EML5: variants seen among roughly 807,000 people sequenced by gnomAD.
EML5 encodes echinoderm microtubule-associated protein-like 5.
A neutral mutation model predicts 250.0 loss-of-function variants in EML5; 120 were observed. The observed-to-expected ratio is 0.48, with a 90% CI of 0.41 to 0.56. The LOEUF (loss-of-function observed/expected upper bound fraction) is 0.56. EML5 is among the 20% of genes least tolerant of loss of function. The pLI, the probability that EML5 is intolerant of heterozygous loss-of-function variation, is 0.00. For synonymous variants in EML5, 771 were observed against 806.5 expected (o/e 0.96, Z 0.75); for missense variants, 2,006 against 2,437.6 (o/e 0.82, Z 3.73).
intron 24 of EML5, 90 bp downstream of exon 24, chr14:88,662,941 C>T: frequency 2.3e-6 from 2 of 882,362 alleles, no homozygotes; most frequent in Non-Finnish European, 3.4e-6. Context: ...GAACAGACTT[C>T]ACGTGTAACT....
At chr14:88,734,268 T>C (rs1205490667) in intron 7 of EML5, among the ~76,000 whole-genome samples, 1 of 152,088 alleles carries the variant, frequency 6.6e-6, no homozygotes, top group African/African-American at 2.4e-5. Context: ...AACAAATAAT[T>C]GATGAGAAGA....
At chr14:88,685,533 C>T (rs922882381) in intron 19 of EML5, among the ~76,000 whole-genome samples, 1 of 152,118 alleles carries the variant, frequency 6.6e-6, no homozygotes, top group African/African-American at 2.4e-5. Flanking sequence ...CCAGGACAAC[C>T]ACAGATACCA....
intron 21 of EML5, among the ~76,000 whole-genome samples, chr14:88,675,860 G>C (rs2092583043): frequency 6.6e-6 from 1 of 151,868 alleles, no homozygotes; most frequent in South Asian, 2.1e-4. Context: ...TCTCCCTCAA[G>C]TTCAAAGTTC....
At chr14:88,715,224 T>C in intron 8 of EML5, 29 bp from the exon 9 acceptor site, 1 of 1,542,472 alleles carries the variant, frequency 6.5e-7, no homozygotes, top group East Asian at 2.4e-5. Context: ...TGAGACTACA[T>C]GAACAGAAGT....
Position 88,627,819 on chromosome 14 carries a change from G to A in EML5, c.4358C>T (p.Ala1453Val), listed in dbSNP as rs747293706. ...CCAGATGTGAATAGAAGGAGCTGTA[G>A]CTAAATAAAGATAGTATCAAAAAGT... ...GQVGDSADMS[A>V]TAPSIHIWDA... is the part of the protein sequence containing the mutation. The change falls in exon 34 of 44, where the codon GCT becomes GTT. Residue 1453 changes from alanine to valine, a missense_variant and splice_region_variant. Coordinates refer to ENST00000554922, the MANE Select transcript of EML5 (RefSeq NM_183387.3). The A allele has an allele frequency of 3.8e-6, 6 of 1,579,454 alleles. No individual in the cohort carries two copies. The South Asian group carries it at 5.8e-5, about 15-fold the overall frequency.
At chr14:88,696,365 G>A (rs2093079118) in intron 15 of EML5, among the ~76,000 whole-genome samples, 1 of 151,940 alleles carries the variant, frequency 6.6e-6, no homozygotes, top group Admixed American at 6.6e-5. Flanking sequence ...AAACAGAAAA[G>A]CGCTAATATG....
intron 13 of EML5, 122 bp from the exon 14 acceptor site, chr14:88,702,754 C>A: frequency 1.4e-6 from 1 of 695,670 alleles, no homozygotes. Flanking sequence ...TTACAGGATA[C>A]TAAACAATTT....
intron 7 of EML5, among the ~76,000 whole-genome samples, chr14:88,731,468 C>T (rs866147577): frequency 1.1e-4 from 16 of 152,130 alleles, no homozygotes; most frequent in Middle Eastern, 6.8e-3. Flanking sequence ...CAGTCTATCA[C>T]TGATGGACAT....
In EML5 at chr14:88,734,136, G is replaced by GA. The variant is rs1480468283; in HGVS notation, c.1049+2227dup. Among the ~76,000 whole-genome samples, 5 of 152,108 alleles carry GA rather than the reference G, an allele frequency of 3.3e-5. No homozygotes were observed. The East Asian group carries it at 7.7e-4, about 24-fold the overall frequency. On this transcript the variant is annotated intron_variant, in intron 7 of 43. Coordinates refer to ENST00000554922, the MANE Select transcript of EML5 (RefSeq NM_183387.3). ...GGAGAAAAAGATCAACAACCCTACA[G>GA]AAAAAATGGCAAGAAATGTGGAAAG...
chr14:88,625,867 A>T (rs2089867240), intron 35 of EML5: 1 of 152,232 alleles, frequency 6.6e-6, no homozygotes, highest in African/African-American at 2.4e-5. Flanking sequence ...TCACAAAAAC[A>T]AAAAATGCAC....
rs947642079 is a variant in EML5 at position 88,620,059 on chromosome 14, G to A, written c.5375+695C>T. 6.6e-6 allele frequency: 1 copy of A among 152,236 alleles called. No individual in the cohort carries two copies. The highest frequency in any genetic ancestry group is 1.5e-5 in the Non-Finnish European group (1 of 68,052). The allele number at this position is 152,236 out of a possible 1,614,324, so 9.4% of individuals were successfully genotyped here. A position where few individuals can be genotyped will look rare whatever the true frequency, so the allele number is the denominator to read the frequency against. On this transcript the variant is annotated intron_variant, in intron 39 of 43. Coordinates refer to ENST00000554922, the MANE Select transcript of EML5 (RefSeq NM_183387.3). This position sits in a 1 kb window ranked among gnomAD's most constrained non-coding sequence, Gnocchi z 4.3. ...TTCAGTCTCTTGAAATGGCCCATGA[G>A]TCTTACTGAGGTACGATAGAGACAT... is the stretch of plus-strand genomic sequence containing the variant.
rs1402989179 is a variant in EML5 at position 88,634,487 on chromosome 14, C to G, written c.4339G>C (p.Asp1447His). 1 of 1,465,450 alleles carries G rather than the reference C, an allele frequency of 6.8e-7. No individual in the cohort carries two copies. The highest frequency in any genetic ancestry group is 2.4e-5 in the Admixed American group (1 of 42,214). The allele number at this position is 1,465,450 out of a possible 1,614,324, so 90.8% of individuals were successfully genotyped here. ...TCCTTACCTGACATGTCTGCTGAATCACCTATAATGGAAAATAATTATCTA... is the reference window on the plus strand; with the variant it reads ...TCCTTACCTGACATGTCTGCTGAATGACCTATAATGGAAAATAATTATCTA... ...INIVATGQVG[D>H]SADMSATAPS... Residue 1447 changes from aspartate (D) to histidine (H), a missense_variant and splice_region_variant, in exon 33 of 44, where the codon GAT becomes CAT. Asp to His is a moderately conservative substitution (Grantham distance 81). Transcript: ENST00000554922.
At chr14:88,714,474 T>C (rs2093460100) in intron 9 of EML5, among the ~76,000 whole-genome samples, 1 of 152,162 alleles carries the variant, frequency 6.6e-6, no homozygotes, top group African/African-American at 2.4e-5. Flanking sequence ...AATATACAGC[T>C]TGTTGAGTAC....
chr14:88,780,218 G>A (rs1420603897), intron 1 of EML5, among the ~76,000 whole-genome samples: 1 of 152,130 alleles, frequency 6.6e-6, no homozygotes, highest in Non-Finnish European at 1.5e-5. Context: ...CTCCCAAAGT[G>A]CTGAGATTAT....
At chr14:88,739,454 G>A (rs568655852) in intron 5 of EML5, among the ~76,000 whole-genome samples, 2 of 152,012 alleles carry the variant, frequency 1.3e-5, no homozygotes, top group South Asian at 4.2e-4. Flanking sequence ...TATAACCAAG[G>A]TGGTATTTAA....
intron 21 of EML5, among the ~76,000 whole-genome samples, chr14:88,678,846 G>GT (rs1479799206): frequency 6.6e-6 from 1 of 152,152 alleles, no homozygotes; most frequent in Non-Finnish European, 1.5e-5. Flanking sequence ...CCTAGAGGCT[G>GT]TAACAAATGA....
intron 14 of EML5, among the ~76,000 whole-genome samples, chr14:88,701,132 AC>A (rs1196580582): frequency 6.6e-6 from 1 of 152,168 alleles, no homozygotes; most frequent in Non-Finnish European, 1.5e-5. Flanking sequence ...CAGGCTTTGT[AC>A]ATATTTCTAC....
In EML5 at chr14:88,661,807, T is replaced by C; in HGVS notation, c.3522A>G (p.Ser1174=). 1 of 1,610,162 alleles carries C rather than the reference T, an allele frequency of 6.2e-7. No individual in the cohort carries two copies. Among genetic ancestry groups the C allele is most frequent in the Middle Eastern group, 1.7e-4 (1 of 6,040 alleles). ...AGCATAAACCAAGTACACTTGTCCA[T>C]GATGCCCAAGCAATTTTTTCTACCT... ...SVEVEKIAWA[S]WTSVLGLCCE... is the part of the protein sequence containing the mutation. The change falls in exon 25 of 44, where the codon TCA becomes TCG. Residue 1174 remains serine, a synonymous_variant. Coordinates refer to ENST00000554922, the MANE Select transcript of EML5 (RefSeq NM_183387.3).
intron 33 of EML5, among the ~76,000 whole-genome samples, chr14:88,633,161 A>G (rs2090531311): frequency 6.6e-6 from 1 of 152,234 alleles, no homozygotes; most frequent in Non-Finnish European, 1.5e-5. Context: ...TACTCCTGGC[A>G]TAGCTGAATG....
Sources: gnomAD v4.1 joint callset for allele counts (sites outside exome capture counted in the v4.1 genomes callset) on GRCh38, gnomAD v4.1.1 for gene constraint, Gnocchi (gnomAD v3.1) non-coding constraint, MANE v1.5 for transcripts, NCBI Gene and HGNC (gene_info 2026-07-23, HGNC 2026-07-21) for gene names.